DAPK2: variants seen among roughly 807,000 people sequenced by gnomAD.
DAPK2 encodes the protein death-associated protein kinase 2.
In DAPK2, 35 loss-of-function variants were observed where a neutral mutation model predicts 44.1. The observed-to-expected ratio is 0.79, with a 90% confidence interval of 0.61 to 1.05. The LOEUF is 1.05. Among genes scored for constraint, DAPK2 ranks in the 50% least tolerant of loss-of-function variants. The pLI is 0.00. For missense variants in DAPK2, 453 were observed against 483.2 expected (o/e 0.94, Z 0.59); for synonymous variants, 174 against 182.6 (o/e 0.95, Z 0.38).
At position 63,939,515 on chromosome 15, in the gene DAPK2, G is replaced by A. The variant is rs772335432; in HGVS notation, c.454-154C>T. ...ACTGAAACAGCATAAACTCTTCCTT[G>A]TTTTTGGTCCTCAGTCTTCTCTGTG... On this transcript the variant is annotated intron_variant, in intron 3 of 10. Coordinates refer to ENST00000261891, the Ensembl canonical transcript of DAPK2. The surrounding 1 kb of genome is among the most constrained non-coding windows in gnomAD (Gnocchi z 4.3). Among the ~76,000 whole-genome samples, 1 of 152,140 alleles carries A rather than the reference G, an allele frequency of 6.6e-6. No individual in the cohort carries two copies. The highest frequency in any genetic ancestry group is 1.5e-5 in the Non-Finnish European group (1 of 68,012).
chr15:63,970,043 T>G (rs1377599005), intron 3 of DAPK2, among the ~76,000 whole-genome samples: 1 of 152,196 alleles, frequency 6.6e-6, no homozygotes, highest in Non-Finnish European at 1.5e-5. Flanking sequence ...GACTCTGTCC[T>G]CTCCTCACAT....
chr15:63,972,558 G>A (rs2078241926), intron 2 of DAPK2, among the ~76,000 whole-genome samples: 1 of 152,190 alleles, frequency 6.6e-6, no homozygotes, highest in African/African-American at 2.4e-5. Flanking sequence ...TGGAGGAAAG[G>A]GCATCCTTGT....
In DAPK2 at chr15:63,948,270, CAAAAAAAAAAAAAAA is replaced by C. The variant is rs3056984; in HGVS notation, c.454-8924_454-8910del. On this transcript the variant is annotated intron_variant, in intron 3 of 10. Coordinates refer to ENST00000261891, the Ensembl canonical transcript of DAPK2. ...TGCATGATGGAGTGAGACTCCATCT[CAAAAAAAAAAAAAAA>C]AAAAAAAAAAAAAAGATTTAACTGG... Among the ~76,000 whole-genome samples, 104 of 51,916 alleles carry C rather than the reference CAAAAAAAAAAAAAAA, an allele frequency of 2.0e-3. 1 individual carries two copies. Among genetic ancestry groups the C allele is most frequent in the African/African-American group, 8.3e-3 (98 of 11,832 alleles). 34.1% of individuals were successfully genotyped at this position (51,916 alleles called of 152,430 possible). A position where few individuals can be genotyped will look rare whatever the true frequency, so the allele number is the denominator to read the frequency against.
intron 2 of DAPK2, among the ~76,000 whole-genome samples, chr15:63,982,434 C>T (rs1212581319): frequency 1.3e-5 from 2 of 152,002 alleles, no homozygotes; most frequent in African/African-American, 2.4e-5. Flanking sequence ...GTGATCTGCC[C>T]GCCTTGGCCT....
chr15:63,956,343 G>C (rs1005604855), intron 3 of DAPK2, among the ~76,000 whole-genome samples: 2 of 150,982 alleles, frequency 1.3e-5, no homozygotes, highest in African/African-American at 4.9e-5. Flanking sequence ...TTTGGATTTG[G>C]TTTGCAAAAG....
At chr15:64,010,163 C>G (rs577792499) in intron 1 of DAPK2, among the ~76,000 whole-genome samples, 1 of 152,262 alleles carries the variant, frequency 6.6e-6, no homozygotes, top group South Asian at 2.1e-4. Flanking sequence ...CTCAGACCCA[C>G]AGAGTCAGGA....
At chr15:63,957,927 G>A (rs1000159768) in intron 3 of DAPK2, among the ~76,000 whole-genome samples, 9 of 152,142 alleles carry the variant, frequency 5.9e-5, no homozygotes, top group African/African-American at 1.4e-4. Flanking sequence ...ATGAGGAATC[G>A]CCACACTGTC....
At chr15:64,036,638 G>T (rs1251380239) in intron 1 of DAPK2, among the ~76,000 whole-genome samples, 1 of 151,904 alleles carries the variant, frequency 6.6e-6, no homozygotes, top group African/African-American at 2.4e-5. Context: ...AACATTACAT[G>T]TCTGAGCTTC....
intron 1 of DAPK2, among the ~76,000 whole-genome samples, chr15:64,045,686 T>C (rs2080445808): frequency 6.6e-6 from 1 of 152,222 alleles, no homozygotes; most frequent in South Asian, 2.1e-4. Flanking sequence ...TATGCAAGCC[T>C]TGGGACCTCC....
chr15:63,961,524 G>A (rs1395825592), intron 3 of DAPK2, among the ~76,000 whole-genome samples: 1 of 152,182 alleles, frequency 6.6e-6, no homozygotes, highest in South Asian at 2.1e-4. Flanking sequence ...AGGAGCTCTT[G>A]TAAGGCAGGC....
intron 4 of DAPK2, chr15:63,936,079 G>C (rs548394225): frequency 2.6e-5 from 4 of 152,126 alleles, no homozygotes; most frequent in Admixed American, 6.5e-5. Flanking sequence ...TATTCCACTA[G>C]TGTATATATT....
intron 1 of DAPK2, among the ~76,000 whole-genome samples, chr15:64,000,548 A>T (rs2079058363): frequency 6.6e-6 from 1 of 152,246 alleles, no homozygotes; most frequent in South Asian, 2.1e-4. Flanking sequence ...TTGGATCAGT[A>T]GCCATGTATT....
Position 63,983,846 on chromosome 15 carries a change from G to A in DAPK2, c.93-92C>T, listed in dbSNP as rs1476074585. On this transcript the variant is annotated intron_variant, in intron 1 of 10. Transcript: ENST00000261891. ...AGCTACCAGGTCACACAAATTCAGA[G>A]TGATTCTGCCAGGACAGGACAAATC... 3.9e-6 allele frequency: 5 copies of A among 1,273,342 alleles called. No individual in the cohort carries two copies. In the African/African-American group the frequency reaches 4.4e-5, roughly 11 times the overall value. 78.9% of individuals were successfully genotyped at this position (1,273,342 alleles called of 1,614,324 possible). A position where few individuals can be genotyped will look rare whatever the true frequency, so the allele number is the denominator to read the frequency against.
rs2079150008 is a variant in DAPK2 at position 63,923,547 on chromosome 15, T to A, written c.858+1269A>T. 6.6e-6 allele frequency among the ~76,000 whole-genome samples: 1 copy of A among 152,150 alleles called. No individual in the cohort carries two copies. Among genetic ancestry groups the A allele is most frequent in the South Asian group, 2.1e-4 (1 of 4,824 alleles). ...GTGGGGGTGCTGTCTGCATGCTCAT[T>A]CAGGGCAGAAGGGTCCACAGCCATT... On this transcript the variant is annotated intron_variant, in intron 8 of 10. Transcript: ENST00000261891. The surrounding 1 kb of genome is among the most constrained non-coding windows in gnomAD (Gnocchi z 4.2).
chr15:63,954,957 C>T (rs762048771), intron 3 of DAPK2, among the ~76,000 whole-genome samples: 1 of 152,042 alleles, frequency 6.6e-6, no homozygotes, highest in African/African-American at 2.4e-5. Flanking sequence ...TCAGATAGTT[C>T]GCTGTTGGCA....
intron 1 of DAPK2, chr15:64,029,763 A>G (rs2079957902): frequency 6.6e-6 from 1 of 152,360 alleles, no homozygotes; most frequent in Admixed American, 6.5e-5. Flanking sequence ...TCCTTCACAC[A>G]CACACATCCA....
intron 1 of DAPK2, among the ~76,000 whole-genome samples, chr15:64,032,749 A>G (rs548497015): frequency 6.6e-6 from 1 of 152,096 alleles, no homozygotes; most frequent in Admixed American, 6.5e-5. Flanking sequence ...CCAGGAGTTC[A>G]AGACCAGCCT....
intron 3 of DAPK2, among the ~76,000 whole-genome samples, chr15:63,943,666 A>G (rs1394810015): frequency 6.6e-6 from 1 of 151,890 alleles, no homozygotes; most frequent in Non-Finnish European, 1.5e-5. Flanking sequence ...TGAGGTCAGG[A>G]GTTCAAGACC....
At chr15:63,955,709 A>G (rs2077704953) in intron 3 of DAPK2, among the ~76,000 whole-genome samples, 1 of 152,102 alleles carries the variant, frequency 6.6e-6, no homozygotes, top group African/African-American at 2.4e-5. Flanking sequence ...CTGGGACTAC[A>G]GGCATGCACC....
Sources: gnomAD v4.1 joint callset for allele counts (sites outside exome capture counted in the v4.1 genomes callset) on GRCh38, gnomAD v4.1.1 for gene constraint, Gnocchi (gnomAD v3.1) non-coding constraint, MANE v1.5 for transcripts, NCBI Gene and HGNC (gene_info 2026-07-23, HGNC 2026-07-21) for gene names.